KIAA1217: variants seen among roughly 807,000 people sequenced by gnomAD.
KIAA1217 encodes KIAA1217, also known as sickle tail protein homolog.
In KIAA1217, 88 loss-of-function variants were observed where a neutral mutation model predicts 163.9. That is an observed-to-expected ratio of 0.54 (90% CI 0.45 to 0.64). KIAA1217 has a LOEUF of 0.64. Among genes scored for constraint, KIAA1217 ranks in the 30% least tolerant of loss-of-function variants. The pLI, the probability that KIAA1217 is intolerant of heterozygous loss-of-function variation, is 0.00. For missense variants in KIAA1217, 2,372 were observed against 2,475.0 expected (o/e 0.96, Z 0.88); for synonymous variants, 903 against 923.1 (o/e 0.98, Z 0.39).
At chr10:24,324,047 G>C (rs1001643629) in intron 2 of KIAA1217, among the ~76,000 whole-genome samples, 2 of 151,924 alleles carry the variant, frequency 1.3e-5, no homozygotes, top group Non-Finnish European at 2.9e-5. Context: ...TGGGAGGATT[G>C]CTTGAGGTCA....
At chr10:24,258,586 C>CTTTTTTT (rs34467674) in intron 2 of KIAA1217, among the ~76,000 whole-genome samples, 1 of 138,308 alleles carries the variant, frequency 7.2e-6, no homozygotes. Flanking sequence ...GGGCTTACTT[C>CTTTTTTT]TTTTTTTTTT....
rs199518984 is a variant in KIAA1217 at position 24,433,305 on chromosome 10, T to TTTTTTTG, written c.752+144_752+150dup. 285 of 729,708 alleles carry TTTTTTTG rather than the reference T, an allele frequency of 3.9e-4. 1 individual carries two copies. The highest frequency in any genetic ancestry group is 1.3e-3 in the Admixed American group (43 of 34,050). 45.2% of individuals were successfully genotyped at this position (729,708 alleles called of 1,614,324 possible). A position where few individuals can be genotyped will look rare whatever the true frequency, so the allele number is the denominator to read the frequency against. On this transcript the variant is annotated intron_variant, in intron 4 of 20. Transcript: ENST00000376454. ...TACCCACTATATTGCATTTAGAGTGTTTTTTTGTTTTTTGTTTTTTGTTTT... is the reference window on the plus strand; with the variant it reads ...TACCCACTATATTGCATTTAGAGTGTTTTTTTGTTTTTTGTTTTTTGTTTTTTGTTTT...
chr10:24,145,603 A>G (rs144849384), intron 2 of KIAA1217, among the ~76,000 whole-genome samples: 59 of 152,352 alleles, frequency 3.9e-4, no homozygotes, highest in African/African-American at 1.4e-3. Flanking sequence ...CGTGATCACA[A>G]GGTGAAGTCC....
At chr10:23,929,939 C>G (rs1366385426) in intron 1 of KIAA1217, among the ~76,000 whole-genome samples, 1 of 152,020 alleles carries the variant, frequency 6.6e-6, no homozygotes, top group Non-Finnish European at 1.5e-5. Context: ...ATAAGCATTC[C>G]TCTTTTTTTG....
intron 1 of KIAA1217, among the ~76,000 whole-genome samples, chr10:23,820,018 T>G (rs1837545280): frequency 6.6e-6 from 1 of 152,226 alleles, no homozygotes; most frequent in South Asian, 2.1e-4. Context: ...GCCCTAGTCA[T>G]ACATGTAAAT....
chr10:23,839,325 G>A (rs1838655391), intron 1 of KIAA1217, among the ~76,000 whole-genome samples: 1 of 152,130 alleles, frequency 6.6e-6, no homozygotes, highest in East Asian at 1.9e-4. Flanking sequence ...TGAGGCATGT[G>A]GTTCTTCTTC....
At chr10:23,911,585 C>A (rs1157667770) in intron 1 of KIAA1217, among the ~76,000 whole-genome samples, 2 of 152,084 alleles carry the variant, frequency 1.3e-5, no homozygotes, top group Non-Finnish European at 2.9e-5. Flanking sequence ...TACCCAATTC[C>A]CAAATGAAAA....
chr10:24,036,436 G>A (rs1428775606), intron 2 of KIAA1217, among the ~76,000 whole-genome samples: 1 of 152,198 alleles, frequency 6.6e-6, no homozygotes, highest in Non-Finnish European at 1.5e-5. Context: ...ATGTTCTCAT[G>A]CTGAAAAAGT....
At chr10:24,253,517 C>T (rs373792412) in intron 2 of KIAA1217, among the ~76,000 whole-genome samples, 92 of 152,272 alleles carry the variant, frequency 6.0e-4, no homozygotes, top group African/African-American at 2.1e-3. Flanking sequence ...TTCTTACTTG[C>T]TTGATTGTTT....
At chr10:24,293,938 A>T (rs1245555272) in intron 2 of KIAA1217, among the ~76,000 whole-genome samples, 3 of 152,172 alleles carry the variant, frequency 2.0e-5, no homozygotes, top group Non-Finnish European at 4.4e-5. Context: ...TCACGCCTGG[A>T]ATCCCAGCAC....
rs530041600 is a variant in KIAA1217, at chr10:24,035,366, T to C, written c.-171+27992T>C. ...TGCCACAGCCTGTAGCATTTTCTTCTTGGGAGGCAATTTTTTGTCTTGGGG... is the reference window on the plus strand; with the variant it reads ...TGCCACAGCCTGTAGCATTTTCTTCCTGGGAGGCAATTTTTTGTCTTGGGG... On this transcript the variant is annotated intron_variant, in intron 2 of 18. Transcript: ENST00000376462. 1.5e-3 allele frequency among the ~76,000 whole-genome samples: 222 copies of C among 152,320 alleles called. 1 individual carries two copies. Among genetic ancestry groups the C allele is most frequent in the African/African-American group, 5.1e-3 (211 of 41,580 alleles).
intron 2 of KIAA1217, among the ~76,000 whole-genome samples, chr10:24,113,006 G>A (rs2062915376): frequency 6.6e-6 from 1 of 152,166 alleles, no homozygotes; most frequent in African/African-American, 2.4e-5. Flanking sequence ...CCAGAAGCAA[G>A]AGAGGAGCAC....
chr10:24,024,869 T>A (rs922196213), intron 2 of KIAA1217, among the ~76,000 whole-genome samples: 3 of 151,798 alleles, frequency 2.0e-5, no homozygotes, highest in Admixed American at 2.0e-4. Flanking sequence ...TTTTACTCAT[T>A]TCTAATCAAT....
chr10:24,266,212 A>T (rs1590364653), intron 2 of KIAA1217, among the ~76,000 whole-genome samples: 1 of 151,616 alleles, frequency 6.6e-6, no homozygotes, highest in South Asian at 2.1e-4. Context: ...CTGAGTAGCT[A>T]GGATTACAGA....
chr10:24,193,801 TACACAC>T (rs10562687), intron 2 of KIAA1217, among the ~76,000 whole-genome samples: 41,643 of 142,160 alleles, frequency 0.29, 6,870 homozygotes, highest in Non-Finnish European at 0.37. Flanking sequence ...CAGCGTTTTC[TACACAC>T]ACACACACAC....
chr10:24,073,952 C>T (rs1417251942), intron 2 of KIAA1217, among the ~76,000 whole-genome samples: 4 of 152,092 alleles, frequency 2.6e-5, no homozygotes, highest in African/African-American at 7.2e-5. Context: ...TTCAACTCTC[C>T]GATCTGGGGA....
At chr10:24,122,005 T>A (rs1272511729) in intron 2 of KIAA1217, among the ~76,000 whole-genome samples, 1 of 152,182 alleles carries the variant, frequency 6.6e-6, no homozygotes, top group African/African-American at 2.4e-5. Flanking sequence ...AAATTATTTT[T>A]TAATTTCAAT....
intron 1 of KIAA1217, among the ~76,000 whole-genome samples, chr10:23,928,326 TCAAA>T (rs1843115426): frequency 6.6e-6 from 1 of 152,208 alleles, no homozygotes; most frequent in Non-Finnish European, 1.5e-5. Flanking sequence ...ATATTGCTTT[TCAAA>T]CAGTTACCTG....
At chr10:24,245,212 C>T (rs1045357512) in intron 2 of KIAA1217, among the ~76,000 whole-genome samples, 13 of 152,162 alleles carry the variant, frequency 8.5e-5, no homozygotes, top group African/African-American at 2.7e-4. Flanking sequence ...AAGCAACAAA[C>T]GTGGTAATGG....
Sources: allele counts gnomAD v4.1 joint callset (sites outside exome capture counted in the v4.1 genomes callset), GRCh38; gene constraint gnomAD v4.1.1; transcripts MANE v1.5; gene names NCBI Gene and HGNC (gene_info 2026-07-23, HGNC 2026-07-21).